TFAP2B: variants seen among roughly 807,000 people sequenced by gnomAD.
TFAP2B encodes transcription factor AP-2 beta, also known as transcription factor AP-2-beta.
A neutral mutation model predicts 44.3 loss-of-function variants in TFAP2B; 9 were observed. The ratio of observed to expected loss-of-function variants is 0.20; its 90% CI spans 0.12 to 0.35. The LOEUF (loss-of-function observed/expected upper bound fraction) is 0.35, where lower values mean the gene tolerates loss of function less well. Among genes scored for constraint, TFAP2B ranks in the 10% least tolerant of loss-of-function variants. TFAP2B has a pLI of 1.00. For missense variants in TFAP2B, 509 were observed against 600.0 expected (o/e 0.85, Z 1.59); for synonymous variants, 270 against 263.8 (o/e 1.02, Z -0.23).
chr6:50,840,349 C>T, intron 6 of TFAP2B, 52 bp downstream of exon 6: 1 of 1,607,094 alleles, frequency 6.2e-7, no homozygotes, highest in South Asian at 1.1e-5. Context: ...GGCTAGGCCA[C>T]CCGACTTTGG....
intron 5 of TFAP2B, among the ~76,000 whole-genome samples, chr6:50,838,806 T>C (rs1482281415): frequency 6.6e-6 from 1 of 152,190 alleles, no homozygotes; most frequent in African/African-American, 2.4e-5. Context: ...GGATCTGCAG[T>C]TGAATTTGTG....
intron 1 of TFAP2B, among the ~76,000 whole-genome samples, chr6:50,819,587 A>G (rs2113921624): frequency 6.6e-6 from 1 of 152,312 alleles, no homozygotes; most frequent in African/African-American, 2.4e-5. Context: ...CCGAACAGAA[A>G]TCGCAGCCGC....
Position 50,847,089 on chromosome 6 carries a change from A to G in TFAP2B, c.*3697A>G, listed in dbSNP as rs1762865055. On this transcript the variant is annotated 3_prime_UTR_variant, in exon 7 of 7. Transcript: ENST00000393655. ...ATCTGATATCCTGTACTTGTAATAC[A>G]TTATGTGGAAAGGAAATAACCTTAA... is the stretch of plus-strand genomic sequence containing the variant. 1 of 152,622 alleles carries G rather than the reference A, an allele frequency of 6.6e-6. No individual in the cohort carries two copies. Among genetic ancestry groups the G allele is most frequent in the Non-Finnish European group, 1.5e-5 (1 of 68,048 alleles). 9.5% of individuals were successfully genotyped at this position (152,622 alleles called of 1,614,324 possible). A position where few individuals can be genotyped will look rare whatever the true frequency, so the allele number is the denominator to read the frequency against.
chr6:50,829,374 TA>T (rs1770612175), intron 3 of TFAP2B, among the ~76,000 whole-genome samples: 1 of 152,228 alleles, frequency 6.6e-6, no homozygotes, highest in Non-Finnish European at 1.5e-5. Flanking sequence ...TAATTAAATG[TA>T]ATTACAATAA....
At chr6:50,836,954 C>T (rs1335482343) in intron 4 of TFAP2B, among the ~76,000 whole-genome samples, 1 of 152,212 alleles carries the variant, frequency 6.6e-6, no homozygotes, top group Non-Finnish European at 1.5e-5. Flanking sequence ...AGACTGACTC[C>T]TCCTCGTGGA....
intron 2 of TFAP2B, among the ~76,000 whole-genome samples, chr6:50,827,498 G>A (rs1190333837): frequency 6.6e-6 from 1 of 152,116 alleles, no homozygotes; most frequent in African/African-American, 2.4e-5. Context: ...GCTTGTTTGG[G>A]GTAGACAGTC....
chr6:50,840,718 A>T (rs1033735895), intron 6 of TFAP2B, among the ~76,000 whole-genome samples: 7 of 152,128 alleles, frequency 4.6e-5, no homozygotes, highest in African/African-American at 1.7e-4. Flanking sequence ...CCACAGCTCT[A>T]ATTACTCCGT....
rs1012757626 is a variant in TFAP2B, at chr6:50,846,850, C to G, written c.*3458C>G. The G allele has an allele frequency of 2.0e-5, 3 of 152,674 alleles. No homozygotes were observed. Among genetic ancestry groups the G allele is most frequent in the African/African-American group, 7.2e-5 (3 of 41,448 alleles). 9.5% of individuals were successfully genotyped at this position (152,674 alleles called of 1,614,324 possible). On this transcript the variant is annotated 3_prime_UTR_variant, in exon 7 of 7. Coordinates refer to ENST00000393655, the MANE Select transcript of TFAP2B (RefSeq NM_003221.4). ...TTCTGGCCTCCACACCCATAGCTTT[C>G]CTCCATCCCCACTTAAAGAACCGAA...
chr6:50,823,283 G>A, intron 1 of TFAP2B, 124 bp from the exon 2 acceptor site: 1 of 864,536 alleles, frequency 1.2e-6, no homozygotes, highest in Admixed American at 2.0e-5. Context: ...ACAAAAGCCG[G>A]GCTTCTCCAT....
At chr6:50,828,570 A>G in intron 2 of TFAP2B, 49 bp from the exon 3 acceptor site, 1 of 1,536,392 alleles carries the variant, frequency 6.5e-7, no homozygotes. Context: ...TATGTGTGCA[A>G]TTCTTTAATA....
chr6:50,832,116 A>G (rs1362107480), intron 3 of TFAP2B, among the ~76,000 whole-genome samples: 1 of 152,220 alleles, frequency 6.6e-6, no homozygotes, highest in Non-Finnish European at 1.5e-5. Context: ...GAGTCTCTGA[A>G]CGGTATGAGT....
chr6:50,828,621 A>T lies in TFAP2B; in HGVS notation c.543A>T (p.Ser181=), dbSNP rs942228024. The change falls in exon 3 of 7, where the codon TCA becomes TCT. Residue 181 remains serine (S), a splice_region_variant and synonymous_variant. Transcript: ENST00000393655. ...TAGTGATGTTTTTATATTCACAGTCAGTTGAAGATGCCAATAACAGCGGCA... is the reference window on the plus strand; with the variant it reads ...TAGTGATGTTTTTATATTCACAGTCTGTTGAAGATGCCAATAACAGCGGCA... ...LGHPGMEDVQ[S]VEDANNSGMN... 1.9e-6 allele frequency: 3 copies of T among 1,613,586 alleles called. No individual in the cohort carries two copies. The East Asian group carries it at 6.7e-5, about 36-fold the overall frequency.
At chr6:50,837,915 C>G (rs1762653889) in intron 4 of TFAP2B, 60 bp from the exon 5 acceptor site, 5 of 1,395,278 alleles carry the variant, frequency 3.6e-6, no homozygotes, top group East Asian at 4.6e-5. Flanking sequence ...ATTGCTAAGT[C>G]TAAACTTTGT....
intron 1 of TFAP2B, among the ~76,000 whole-genome samples, chr6:50,823,001 A>G (rs180800008): frequency 6.6e-6 from 1 of 152,286 alleles, no homozygotes; most frequent in East Asian, 1.9e-4. Flanking sequence ...GTAGTTAAAA[A>G]CACCCAGAGG....
At chr6:50,820,490 A>C (rs543260131) in intron 1 of TFAP2B, among the ~76,000 whole-genome samples, 24 of 152,298 alleles carry the variant, frequency 1.6e-4, no homozygotes, top group African/African-American at 5.5e-4. Flanking sequence ...AGCAGGAGAG[A>C]GCGCGAGAGA....
intron 3 of TFAP2B, among the ~76,000 whole-genome samples, chr6:50,829,117 G>A (rs2857500): frequency 2.0e-5 from 3 of 152,088 alleles, no homozygotes; most frequent in Non-Finnish European, 4.4e-5. Context: ...TGATAATTTT[G>A]TTCCCAGTTC....
rs1362408909 is a variant in TFAP2B, at chr6:50,823,695, C to A, written c.370C>A (p.Gln124Lys). Residue 124 changes from glutamine to lysine, a missense_variant, in exon 2 of 7, where the codon CAG (glutamine) becomes AAG (lysine). Transcript: ENST00000393655. ...TTCGGAAGCCGGCTCTCTCCTGCCC[C>A]AGCCTCGGGCCGCCTTGCCCCAGCT... ...VGSEAGSLLPQPRAALPQLSG... is the reference protein window; with the variant it reads ...VGSEAGSLLPKPRAALPQLSG... 6.2e-7 allele frequency: 1 copy of A among 1,613,602 alleles called. No individual in the cohort carries two copies. Among genetic ancestry groups the A allele is most frequent in the African/African-American group, 1.3e-5 (1 of 74,930 alleles).
intron 3 of TFAP2B, among the ~76,000 whole-genome samples, chr6:50,835,229 G>A (rs768228200): frequency 3.9e-5 from 6 of 152,226 alleles, no homozygotes; most frequent in Non-Finnish European, 8.8e-5. Context: ...AGGCAAGACC[G>A]CCGCTCATAT....
At chr6:50,819,583 A>C (rs1380632338) in intron 1 of TFAP2B, among the ~76,000 whole-genome samples, 1 of 152,226 alleles carries the variant, frequency 6.6e-6, no homozygotes, top group Non-Finnish European at 1.5e-5. Context: ...GCGTCCGAAC[A>C]GAAATCGCAG....
Sources: gnomAD v4.1 joint callset for allele counts (sites outside exome capture counted in the v4.1 genomes callset) on GRCh38, gnomAD v4.1.1 for gene constraint, MANE v1.5 for transcripts, NCBI Gene and HGNC (gene_info 2026-07-23, HGNC 2026-07-21) for gene names.